Variants in RAPH1 observed in about 807,000 individuals in gnomAD.
RAPH1 encodes ras-associated and pleckstrin homology domains-containing protein 1.
Under a neutral mutation model 88.1 loss-of-function variants are expected in RAPH1, and 18 were observed. The observed-to-expected ratio is 0.20, with a 90% CI of 0.14 to 0.30. The LOEUF is 0.30. RAPH1 is among the 10% of genes least tolerant of loss of function. RAPH1 has a pLI of 1.00. For missense variants in RAPH1, 1,448 were observed against 1,543.2 expected (o/e 0.94, Z 1.03); for synonymous variants, 587 against 559.0 (o/e 1.05, Z -0.71).
intron 4 of RAPH1, among the ~76,000 whole-genome samples, chr2:203,488,169 T>C (rs1372620273): frequency 6.6e-6 from 1 of 152,180 alleles, no homozygotes; most frequent in Non-Finnish European, 1.5e-5. Flanking sequence ...AACTCAGCTT[T>C]TGTTGAACTT....
At chr2:203,457,838 TA>T (rs1288557731) in intron 7 of RAPH1, among the ~76,000 whole-genome samples, 1 of 152,178 alleles carries the variant, frequency 6.6e-6, no homozygotes, top group Non-Finnish European at 1.5e-5. Flanking sequence ...AAACTGTCCT[TA>T]CCCAGACTGT....
In RAPH1 at chr2:203,447,978, G is replaced by C; in HGVS notation, c.1614C>G (p.Ser538=). 1 of 1,613,884 alleles carries C rather than the reference G, an allele frequency of 6.2e-7. No individual in the cohort carries two copies. The highest frequency in any genetic ancestry group is 8.5e-7 in the Non-Finnish European group (1 of 1,179,886). The change falls in exon 12 of 14, where the codon TCC becomes TCG. Residue 538 remains serine, a synonymous_variant. Transcript: ENST00000319170. ...SLSSSSIKSG[S]SSSSIPESQS... ...AACTACCTGGGATGCTGGAAGAACT[G>C]GATCCCGATTTAATGCTGGAGCTGG...
rs2098501046 is a variant in RAPH1 at position 203,439,283 on chromosome 2, T to C, written c.*154A>G. 1.6e-6 allele frequency: 1 copy of C among 641,590 alleles called. No homozygotes were observed. Among genetic ancestry groups the C allele is most frequent in the African/African-American group, 1.8e-5 (1 of 55,044 alleles). 39.7% of individuals were successfully genotyped at this position (641,590 alleles called of 1,614,324 possible). On this transcript the variant is annotated 3_prime_UTR_variant, in exon 14 of 14. Coordinates refer to ENST00000319170, the MANE Select transcript of RAPH1 (RefSeq NM_213589.3). ...TATACACACACTGTACAGCTGTGTG[T>C]ACATGCACGTGTACACACACACATA...
At chr2:203,441,482 C>CT in intron 13 of RAPH1, 69 bp from the exon 14 acceptor site, 1 of 1,458,818 alleles carries the variant, frequency 6.9e-7, no homozygotes, top group South Asian at 1.5e-5. Context: ...CAGAGGTAAG[C>CT]TTTGATTGTG....
At chr2:203,506,541 A>G (rs1689008150) in intron 1 of RAPH1, among the ~76,000 whole-genome samples, 1 of 151,334 alleles carries the variant, frequency 6.6e-6, no homozygotes, top group Non-Finnish European at 1.5e-5. Context: ...AAAAACAAAA[A>G]ACAAAAAACA....
At chr2:203,532,826 G>C (rs1690447983) in intron 1 of RAPH1, among the ~76,000 whole-genome samples, 1 of 152,178 alleles carries the variant, frequency 6.6e-6, no homozygotes, top group South Asian at 2.1e-4. Flanking sequence ...AAGAGTCCAA[G>C]ATAAGTTATC....
Position 203,499,651 on chromosome 2 carries a change from T to G in RAPH1, c.1-4298A>C, listed in dbSNP as rs1055190978. 3.0e-4 allele frequency among the ~76,000 whole-genome samples: 45 copies of G among 152,166 alleles called. 1 individual carries two copies. The highest frequency in any genetic ancestry group is 1.0e-3 in the African/African-American group (42 of 41,514). ...TCGCTGGAACCCAGGAGGCAGAGGC[T>G]GCAGTGAGCCAAGATCGTGCCATTG... On this transcript the variant is annotated intron_variant, in intron 1 of 13. Coordinates refer to ENST00000319170, the MANE Select transcript of RAPH1 (RefSeq NM_213589.3).
At position 203,448,594 on chromosome 2, in the gene RAPH1, T is replaced by G; in HGVS notation, c.1512+144A>C. ...TATAAACAAGGAAAAAAGACAACAT[T>G]TAAAACTTGAAACTTAGGCCTGAAA... On this transcript the variant is annotated intron_variant, in intron 11 of 13. Coordinates refer to ENST00000319170, the MANE Select transcript of RAPH1 (RefSeq NM_213589.3). The surrounding 1 kb of genome is among the most constrained non-coding windows in gnomAD (Gnocchi z 4.1). 2.0e-6 allele frequency: 1 copy of G among 510,538 alleles called. No individual in the cohort carries two copies. The highest frequency in any genetic ancestry group is 3.4e-6 in the Non-Finnish European group (1 of 292,062). 31.6% of individuals were successfully genotyped at this position (510,538 alleles called of 1,614,324 possible).
rs2098498276 is a variant in RAPH1 at position 203,436,111 on chromosome 2, G to T, written c.*3326C>A. The T allele has an allele frequency of 6.6e-6, 1 of 152,112 alleles. No individual in the cohort carries two copies. Among genetic ancestry groups the T allele is most frequent in the Non-Finnish European group, 1.5e-5 (1 of 68,020 alleles). 9.4% of individuals were successfully genotyped at this position (152,112 alleles called of 1,614,324 possible). ...AAACTCAGCGTTGTTTGTTTTCAGT[G>T]ACAAGAAAACATACATGGAAAGGGG... is the stretch of plus-strand genomic sequence containing the variant. On this transcript the variant is annotated 3_prime_UTR_variant, in exon 14 of 14. Coordinates refer to ENST00000319170, the MANE Select transcript of RAPH1 (RefSeq NM_213589.3).
chr2:203,468,059 C>A (rs1320305267), intron 4 of RAPH1, among the ~76,000 whole-genome samples: 1 of 152,226 alleles, frequency 6.6e-6, no homozygotes, highest in Admixed American at 6.5e-5. Context: ...GCATGAGCCA[C>A]TGACCATGTT....
At chr2:203,469,147 C>G (rs781386402) in intron 4 of RAPH1, among the ~76,000 whole-genome samples, 2 of 152,112 alleles carry the variant, frequency 1.3e-5, no homozygotes, top group African/African-American at 4.8e-5. Context: ...ACAGATCCAT[C>G]TAGAATAGAG....
At chr2:203,493,226 C>T (rs1688351692) in intron 2 of RAPH1, among the ~76,000 whole-genome samples, 1 of 152,138 alleles carries the variant, frequency 6.6e-6, no homozygotes, top group Non-Finnish European at 1.5e-5. Context: ...TGGCTCTTCA[C>T]ACTTTTATGT....
At chr2:203,445,486 T>G (rs2098508652) in intron 12 of RAPH1, 1 of 153,642 alleles carries the variant, frequency 6.5e-6, no homozygotes, top group Non-Finnish European at 1.4e-5. Flanking sequence ...GAGCAATACT[T>G]AGAATTTGAC....
chr2:203,490,119 A>C (rs1407081805), intron 3 of RAPH1, 30 bp from the exon 4 acceptor site: 1 of 1,539,474 alleles, frequency 6.5e-7, no homozygotes, highest in East Asian at 2.3e-5. Flanking sequence ...ATGTTTCCAG[A>C]ATTTATACAT....
chr2:203,448,593 T>C lies in RAPH1; in HGVS notation c.1512+145A>G, dbSNP rs2098512021. The C allele has an allele frequency of 2.0e-6, 1 of 510,518 alleles. No individual in the cohort carries two copies. The highest frequency in any genetic ancestry group is 3.4e-6 in the Non-Finnish European group (1 of 291,986). The allele number at this position is 510,518 out of a possible 1,614,324, so 31.6% of individuals were successfully genotyped here. On this transcript the variant is annotated intron_variant, in intron 11 of 13. Transcript: ENST00000319170. The surrounding 1 kb of genome is among the most constrained non-coding windows in gnomAD (Gnocchi z 4.1). Reference sequence around the variant, plus strand: ...CTATAAACAAGGAAAAAAGACAACATTTAAAACTTGAAACTTAGGCCTGAA... The same window carrying C: ...CTATAAACAAGGAAAAAAGACAACACTTAAAACTTGAAACTTAGGCCTGAA...
chr2:203,441,770 G>A (rs2098504443), intron 13 of RAPH1: 5 of 1,280,172 alleles, frequency 3.9e-6, no homozygotes, highest in Admixed American at 7.7e-5. Context: ...ACCCTCTGTG[G>A]CGGTCCTCTG....
In RAPH1 at chr2:203,489,655, A is replaced by G. The variant is rs751564838; in HGVS notation, c.661T>C (p.Ser221Pro). The G allele has an allele frequency of 2.4e-5, 39 of 1,613,772 alleles. No homozygotes were observed. Among genetic ancestry groups the G allele is most frequent in the Middle Eastern group, 1.6e-4 (1 of 6,082 alleles). Residue 221 changes from serine to proline, a missense_variant, in exon 4 of 14, where the codon TCT becomes CCT. Physicochemically the swap from Ser to Pro is moderately conservative, Grantham distance 74. Transcript: ENST00000319170. Reference sequence around the variant, plus strand: ...CGTGTTACTTTATCAATATCCAAAGAGTCCATGCTGGAGGCTGCGGAAGTG... The same window carrying G: ...CGTGTTACTTTATCAATATCCAAAGGGTCCATGCTGGAGGCTGCGGAAGTG... ...SITSAASSMD[S>P]LDIDKVTRPQ...
At position 203,455,459 on chromosome 2, in the gene RAPH1, T is replaced by C. The variant is rs35068009; in HGVS notation, c.1280A>G (p.Tyr427Cys). The C allele has an allele frequency of 1.2e-4, 199 of 1,613,614 alleles. No individual in the cohort carries two copies. The highest frequency in any genetic ancestry group is 3.2e-4 in the Admixed American group (19 of 59,954). ...CACCTTTGCTTTTCCTTTGGGAACA[T>C]AGTAGATACCAGATGCTCGCAAGAG... ...YFLLRASGIY[Y>C]VPKGKAKVSR... Residue 427 changes from tyrosine (Y) to cysteine (C), a missense_variant, in exon 9 of 14, where the codon TAT becomes TGT. Physicochemically the swap from Tyr to Cys is radical, Grantham distance 194 (BLOSUM62 -2). This residue lies in a region of RAPH1 where 513 missense variants were observed against 653.1 expected (regional missense o/e 0.79). Coordinates refer to ENST00000319170, the MANE Select transcript of RAPH1 (RefSeq NM_213589.3).
Position 203,438,310 on chromosome 2 carries a change from G to A in RAPH1, c.*1127C>T. On this transcript the variant is annotated 3_prime_UTR_variant, in exon 14 of 14. Transcript: ENST00000319170. The stretch of plus-strand genomic sequence containing the variant: ...ATTAATGACACCTGTACAGGGGCCA[G>A]TTCTGTTCTCTCATCACCCTTCCCT... 1 of 398,776 alleles carries A rather than the reference G, an allele frequency of 2.5e-6. No individual in the cohort carries two copies. Among genetic ancestry groups the A allele is most frequent in the Non-Finnish European group, 5.0e-6 (1 of 200,090 alleles). The allele number at this position is 398,776 out of a possible 1,614,324, so 24.7% of individuals were successfully genotyped here. A position where few individuals can be genotyped will look rare whatever the true frequency, so the allele number is the denominator to read the frequency against.
Sources: gnomAD v4.1 joint callset for allele counts (sites outside exome capture counted in the v4.1 genomes callset) on GRCh38, gnomAD v4.1.1 for gene constraint, gnomAD v4.1.1 regional missense constraint, Gnocchi (gnomAD v3.1) non-coding constraint, MANE v1.5 for transcripts, NCBI Gene and HGNC (gene_info 2026-07-23, HGNC 2026-07-21) for gene names.